The following IQCJ variants were observed in gnomAD, a reference collection of about 807,000 sequenced individuals.
IQCJ encodes the protein IQ motif containing J.
IQCJ carries 9 observed loss-of-function variants against 11.0 expected under a neutral mutation model. That is an observed-to-expected ratio of 0.82 (90% CI 0.49 to 1.43). The LOEUF is 1.43. IQCJ is among the 40% of genes most tolerant of loss of function. The probability of loss-of-function intolerance (pLI) is 0.00; values close to 1 mark genes in which losing one functional copy is unlikely to be tolerated. For synonymous variants in IQCJ, 55 were observed against 51.3 expected, an observed-to-expected ratio of 1.07 and a Z score of -0.31; for missense variants, 146 against 133.2, an observed-to-expected ratio of 1.10 and a Z score of -0.47.
intron 1 of IQCJ, among the ~76,000 whole-genome samples, chr3:159,116,671 C>T (rs9877610): frequency 0.33 from 5,768 of 17,320 alleles, 596 homozygotes; most frequent in Non-Finnish European, 0.4. Flanking sequence ...TATATATATA[C>T]ACCCTTCATC....
At chr3:159,085,432 C>G (rs1213157036) in intron 1 of IQCJ, among the ~76,000 whole-genome samples, 4 of 151,922 alleles carry the variant, frequency 2.6e-5, no homozygotes, top group African/African-American at 9.7e-5. Flanking sequence ...GGTATATACC[C>G]AGTAATGGGA....
rs574965916 is a variant in IQCJ, at chr3:159,151,618, A to C, written c.9+82177A>C. ...CCAAAAAACAAAACAAAAACAAAAA[A>C]ACAAAATTTAAGGAGAGTCAGACTA... On this transcript the variant is annotated intron_variant, in intron 1 of 3. Coordinates refer to ENST00000397832, the MANE Select transcript of IQCJ (RefSeq NM_001042706.3). Among the ~76,000 whole-genome samples, 304 of 152,302 alleles carry C rather than the reference A, an allele frequency of 2.0e-3. 1 individual carries two copies. Among genetic ancestry groups the C allele is most frequent in the African/African-American group, 7.0e-3 (293 of 41,574 alleles).
At chr3:159,212,487 A>G (rs992656339) in intron 1 of IQCJ, among the ~76,000 whole-genome samples, 3 of 152,234 alleles carry the variant, frequency 2.0e-5, no homozygotes, top group African/African-American at 7.2e-5. Flanking sequence ...GCTTAAGACT[A>G]GGCTAAGAAA....
chr3:159,112,836 A>G (rs1309282208), intron 1 of IQCJ, among the ~76,000 whole-genome samples: 1 of 152,200 alleles, frequency 6.6e-6, no homozygotes, highest in Non-Finnish European at 1.5e-5. Flanking sequence ...GAGTGGGACC[A>G]GCAGACCTGG....
At chr3:159,182,835 C>A (rs747508485) in intron 1 of IQCJ, among the ~76,000 whole-genome samples, 1 of 151,322 alleles carries the variant, frequency 6.6e-6, no homozygotes, top group Non-Finnish European at 1.5e-5. Flanking sequence ...ATAACATAAC[C>A]GATTAGGTCA....
intron 1 of IQCJ, among the ~76,000 whole-genome samples, chr3:159,125,642 A>G (rs1719639209): frequency 6.6e-6 from 1 of 152,216 alleles, no homozygotes; most frequent in Admixed American, 6.5e-5. Flanking sequence ...AGGCAAGGTC[A>G]CAGAGCTGGA....
intron 1 of IQCJ, among the ~76,000 whole-genome samples, chr3:159,193,174 G>A (rs890893275): frequency 3.9e-5 from 6 of 152,110 alleles, no homozygotes; most frequent in Admixed American, 1.3e-4. Flanking sequence ...CATGGTCTGC[G>A]GAAAATATCT....
intron 1 of IQCJ, among the ~76,000 whole-genome samples, chr3:159,240,497 A>G (rs886761609): frequency 1.3e-5 from 2 of 152,220 alleles, no homozygotes; most frequent in Non-Finnish European, 1.5e-5. Flanking sequence ...ATTATTGATG[A>G]AAAGTAGTGT....
At chr3:159,234,959 C>T (rs1577102208) in intron 1 of IQCJ, among the ~76,000 whole-genome samples, 1 of 152,258 alleles carries the variant, frequency 6.6e-6, no homozygotes, top group East Asian at 1.9e-4. Context: ...CAGGTATAAA[C>T]AATTTGGGAG....
At chr3:159,244,087 G>T (rs937948920) in intron 1 of IQCJ, among the ~76,000 whole-genome samples, 1 of 152,210 alleles carries the variant, frequency 6.6e-6, no homozygotes, top group Non-Finnish European at 1.5e-5. Flanking sequence ...AGGAGGGTAT[G>T]AGCAGAGAAA....
At chr3:159,106,093 G>C (rs182622827) in intron 1 of IQCJ, among the ~76,000 whole-genome samples, 1 of 152,244 alleles carries the variant, frequency 6.6e-6, no homozygotes, top group East Asian at 1.9e-4. Context: ...TGGAATGTGT[G>C]TATGTAGGAG....
At chr3:159,233,488 A>G (rs1476136849) in intron 1 of IQCJ, among the ~76,000 whole-genome samples, 3 of 152,196 alleles carry the variant, frequency 2.0e-5, no homozygotes, top group South Asian at 2.1e-4. Flanking sequence ...TTAGGTTAAC[A>G]TCCATGTTTT....
chr3:159,091,252 A>G (rs1717258614), intron 1 of IQCJ, among the ~76,000 whole-genome samples: 1 of 151,836 alleles, frequency 6.6e-6, no homozygotes, highest in Non-Finnish European at 1.5e-5. Flanking sequence ...AGCAAATAAC[A>G]TAGACTGGGT....
At chr3:159,259,724 T>C (rs1728097551) in intron 3 of IQCJ, among the ~76,000 whole-genome samples, 1 of 152,194 alleles carries the variant, frequency 6.6e-6, no homozygotes, top group African/African-American at 2.4e-5. Context: ...AGTTCCATCA[T>C]TAAAAAACAA....
At chr3:159,262,515 T>G (rs779501859) in intron 3 of IQCJ, 33 bp from the exon 4 acceptor site, 1 of 1,606,364 alleles carries the variant, frequency 6.2e-7, no homozygotes. Flanking sequence ...TAATCATGTG[T>G]GTGCTGTTTT....
intron 1 of IQCJ, 65 bp from the exon 2 acceptor site, chr3:159,245,778 C>G: frequency 7.3e-7 from 1 of 1,374,608 alleles, no homozygotes; most frequent in South Asian, 1.3e-5. Flanking sequence ...AACAGTTATG[C>G]TTGAATAGCA....
chr3:159,072,937 T>G (rs931287106), intron 1 of IQCJ, among the ~76,000 whole-genome samples: 1 of 152,136 alleles, frequency 6.6e-6, no homozygotes, highest in African/African-American at 2.4e-5. Flanking sequence ...TGGCTAGTTG[T>G]TCACTGGGTG....
At chr3:159,136,570 G>T (rs1001130611) in intron 1 of IQCJ, among the ~76,000 whole-genome samples, 5 of 152,184 alleles carry the variant, frequency 3.3e-5, no homozygotes, top group South Asian at 4.1e-4. Flanking sequence ...AGTTCTGGAG[G>T]CTGGAAAGTC....
chr3:159,142,501 C>T (rs1720670976), intron 1 of IQCJ, among the ~76,000 whole-genome samples: 1 of 152,170 alleles, frequency 6.6e-6, no homozygotes, highest in African/African-American at 2.4e-5. Flanking sequence ...ACTGCAATGT[C>T]CACCTCCCAG....
Sources: gnomAD v4.1 joint callset for allele counts (sites outside exome capture counted in the v4.1 genomes callset) on GRCh38, gnomAD v4.1.1 for gene constraint, MANE v1.5 for transcripts, NCBI Gene and HGNC (gene_info 2026-07-23, HGNC 2026-07-21) for gene names.